Variants in ATP11A observed in about 807,000 individuals in gnomAD.
ATP11A encodes ATPase phospholipid transporting 11A.
A neutral mutation model predicts 154.4 loss-of-function variants in ATP11A; 81 were observed. That is an observed-to-expected ratio of 0.52 (90% CI 0.44 to 0.63). The LOEUF (loss-of-function observed/expected upper bound fraction) is 0.63, where lower values mean the gene tolerates loss of function less well. Among genes scored for constraint, ATP11A ranks in the 30% least tolerant of loss-of-function variants. The pLI is 0.00. For synonymous variants in ATP11A, 623 were observed against 585.9 expected (o/e 1.06, Z -0.91); for missense variants, 1,316 against 1,474.3 (o/e 0.89, Z 1.76).
At chr13:112,729,124 C>G (rs372899845) in intron 1 of ATP11A, among the ~76,000 whole-genome samples, 1 of 152,172 alleles carries the variant, frequency 6.6e-6, no homozygotes, top group Non-Finnish European at 1.5e-5. Context: ...AATCGGTGAA[C>G]CTGAGTGAAA....
chr13:112,847,238 AAGAC>A (rs1236920641), intron 17 of ATP11A, among the ~76,000 whole-genome samples: 1 of 152,232 alleles, frequency 6.6e-6, no homozygotes, highest in East Asian at 1.9e-4. Context: ...AATAAGTAGA[AAGAC>A]AGTCCAGAGG....
chr13:112,808,952 G>A (rs61963796), intron 4 of ATP11A, among the ~76,000 whole-genome samples: 19,225 of 152,162 alleles, frequency 0.13, 1,475 homozygotes, highest in Admixed American at 0.17. Flanking sequence ...GCATTCCTGG[G>A]CACCTCCTCT....
Position 112,856,083 on chromosome 13 carries a change from C to T in ATP11A, c.2416C>T (p.Gln806Ter), listed in dbSNP as rs1044128414. 1.2e-6 allele frequency: 2 copies of T among 1,610,768 alleles called. No individual in the cohort carries two copies. The highest frequency in any genetic ancestry group is 1.7e-6 in the Non-Finnish European group (2 of 1,178,604). ...CCRMAPLQKA[Q>*]IVKLIKFSKE... The stretch of plus-strand genomic sequence containing the variant: ...CCGCATGGCGCCCTTGCAGAAGGCT[C>T]AGGTGCTGCCCGCCCGTCCTCGATA... The change falls in exon 20 of 30, where the codon CAG (glutamine) becomes TAG (stop). Residue 806 changes from glutamine (Q) to a stop codon, truncating the protein, a stop_gained and splice_region_variant. Coordinates refer to ENST00000375645, the MANE Select transcript of ATP11A (RefSeq NM_015205.3). LOFTEE classifies it high-confidence loss of function.
intron 2 of ATP11A, among the ~76,000 whole-genome samples, chr13:112,788,955 C>T (rs1487680375): frequency 6.6e-6 from 1 of 152,016 alleles, no homozygotes; most frequent in Non-Finnish European, 1.5e-5. Context: ...ACTTAATTCA[C>T]ACCTGGCATC....
At chr13:112,823,031 C>T (rs9550221) in intron 8 of ATP11A, among the ~76,000 whole-genome samples, 38,444 of 152,042 alleles carry the variant, frequency 0.25, 5,353 homozygotes, top group Admixed American at 0.32. Context: ...AGAGGTCTCT[C>T]GGGGAGTGTT....
Position 112,806,203 on chromosome 13 carries a change from C to G in ATP11A, c.253-10C>G. The G allele has an allele frequency of 1.9e-6, 3 of 1,607,200 alleles. No individual in the cohort carries two copies. The highest frequency in any genetic ancestry group is 2.6e-6 in the Non-Finnish European group (3 of 1,175,300). On this transcript the variant is annotated splice_polypyrimidine_tract_variant and intron_variant, in intron 3 of 29. Coordinates refer to ENST00000375645, the MANE Select transcript of ATP11A (RefSeq NM_015205.3). ...TTTGAAGATGATTTTACAATTCTCT[C>G]TTTCTGCAGTTGATTATTGATACAC...
At chr13:112,863,715 G>C in intron 25 of ATP11A, among the ~76,000 whole-genome samples, 1 of 120,666 alleles carries the variant, frequency 8.3e-6, no homozygotes, top group Non-Finnish European at 1.7e-5. Context: ...GCTTCCCAGC[G>C]GGGTCCATCA....
intron 1 of ATP11A, among the ~76,000 whole-genome samples, chr13:112,699,374 C>G (rs1886244806): frequency 6.6e-6 from 1 of 152,154 alleles, no homozygotes; most frequent in Non-Finnish European, 1.5e-5. Flanking sequence ...AGAACCAGAT[C>G]ACTTCTTGGA....
At chr13:112,794,586 G>T (rs2077947028) in intron 2 of ATP11A, among the ~76,000 whole-genome samples, 1 of 152,138 alleles carries the variant, frequency 6.6e-6, no homozygotes, top group Admixed American at 6.6e-5. Flanking sequence ...TAAAGCAATT[G>T]AGGCCAGGCG....
At chr13:112,811,067 T>TA (rs1484426563) in intron 5 of ATP11A, among the ~76,000 whole-genome samples, 1 of 151,074 alleles carries the variant, frequency 6.6e-6, no homozygotes, top group Non-Finnish European at 1.5e-5. Flanking sequence ...TTTTTTTTTT[T>TA]ACCTTTAATT....
At chr13:112,840,383 T>C (rs1203288860) in intron 16 of ATP11A, among the ~76,000 whole-genome samples, 23 of 83,454 alleles carry the variant, frequency 2.8e-4, no homozygotes, top group East Asian at 1.2e-3. Context: ...AGCCTCCCCA[T>C]TCTCTCATCC....
chr13:112,816,592 C>G (rs1474225427), intron 6 of ATP11A, among the ~76,000 whole-genome samples: 1 of 152,132 alleles, frequency 6.6e-6, no homozygotes, highest in East Asian at 1.9e-4. Flanking sequence ...CTGAGCCCAG[C>G]ACGCTCTTGT....
rs899292069 is a variant in ATP11A, at chr13:112,690,163, C to T, written c.-254C>T. 4.1e-5 allele frequency among the ~76,000 whole-genome samples: 6 copies of T among 147,696 alleles called. No homozygotes were observed. Among genetic ancestry groups the T allele is most frequent in the Non-Finnish European group, 7.5e-5 (5 of 66,252 alleles). ...GACGGGGAGAGAGAAGGCGCCAGAG[C>T]GCGCGCGCGCGGCCCCGAGCAGCAG... On this transcript the variant is annotated 5_prime_UTR_variant, in exon 1 of 30. Coordinates refer to ENST00000375645, the MANE Select transcript of ATP11A (RefSeq NM_015205.3). The surrounding 1 kb of genome is among the most constrained non-coding windows in gnomAD (Gnocchi z 5.6).
intron 16 of ATP11A, among the ~76,000 whole-genome samples, chr13:112,841,800 T>C (rs1171422830): frequency 2.0e-5 from 3 of 152,272 alleles, no homozygotes; most frequent in Non-Finnish European, 2.9e-5. Context: ...ACAGTGTTAC[T>C]GGACGTGTGG....
At chr13:112,826,194 C>T (rs1359496071) in intron 11 of ATP11A, among the ~76,000 whole-genome samples, 1 of 152,210 alleles carries the variant, frequency 6.6e-6, no homozygotes, top group Non-Finnish European at 1.5e-5. Context: ...GACCTGTGTC[C>T]CCTCCGTCCA....
chr13:112,736,687 T>C (rs1230428001), intron 1 of ATP11A, among the ~76,000 whole-genome samples: 1 of 152,220 alleles, frequency 6.6e-6, no homozygotes, highest in African/African-American at 2.4e-5. Context: ...ATTTTGGAAA[T>C]CTGTCCCCTA....
chr13:112,713,956 C>CCGCTGGTCCCA (rs1888086676), intron 1 of ATP11A, among the ~76,000 whole-genome samples: 1 of 83,188 alleles, frequency 1.2e-5, no homozygotes, highest in African/African-American at 4.3e-5. Flanking sequence ...CCAGATCCCA[C>CCGCTGGTCCCA]GCCTCCCTTC....
At chr13:112,790,955 G>A (rs558200179) in intron 2 of ATP11A, among the ~76,000 whole-genome samples, 1 of 152,206 alleles carries the variant, frequency 6.6e-6, no homozygotes, top group African/African-American at 2.4e-5. Flanking sequence ...AACCAGATAA[G>A]TCCTGTGGGT....
At chr13:112,768,524 CT>C (rs1370722723) in intron 1 of ATP11A, among the ~76,000 whole-genome samples, 1 of 152,174 alleles carries the variant, frequency 6.6e-6, no homozygotes, top group African/African-American at 2.4e-5. Flanking sequence ...CTGCAGTTGT[CT>C]TCATTAGATA....
Sources: allele counts gnomAD v4.1 joint callset (sites outside exome capture counted in the v4.1 genomes callset), GRCh38; gene constraint gnomAD v4.1.1; non-coding constraint Gnocchi (gnomAD v3.1); transcripts MANE v1.5; gene names NCBI Gene and HGNC (gene_info 2026-07-23, HGNC 2026-07-21).